Variants in PXDNL observed in about 807,000 individuals in gnomAD.
PXDNL encodes the protein probable oxidoreductase PXDNL.
PXDNL carries 145 observed loss-of-function variants against 150.8 expected under a neutral mutation model. The observed-to-expected ratio is 0.96, with a 90% CI of 0.84 to 1.10. The LOEUF (loss-of-function observed/expected upper bound fraction) is 1.10, where lower values mean the gene tolerates loss of function less well. PXDNL is among the 50% of genes least tolerant of loss of function. The pLI is 0.00. For synonymous variants in PXDNL, 757 were observed against 725.7 expected (o/e 1.04, Z -0.69); for missense variants, 2,087 against 1,873.9 (o/e 1.11, Z -2.10).
intron 8 of PXDNL, among the ~76,000 whole-genome samples, chr8:51,464,189 CCCTGTAT>C (rs2130043567): frequency 6.6e-6 from 1 of 152,100 alleles, no homozygotes; most frequent in Admixed American, 6.6e-5. Context: ...TGCAGCAAGA[CCCTGTAT>C]CTACAAAAAA....
At chr8:51,486,785 TA>T (rs1810765625) in intron 5 of PXDNL, among the ~76,000 whole-genome samples, 40 of 23,832 alleles carry the variant, frequency 1.7e-3, no homozygotes, top group South Asian at 4.5e-3. Flanking sequence ...TATATATATA[TA>T]TATATATATT....
At chr8:51,668,172 C>CTGTTTT (rs765738861) in intron 1 of PXDNL, among the ~76,000 whole-genome samples, 1 of 26,114 alleles carries the variant, frequency 3.8e-5, no homozygotes. Context: ...CCTTCTCGCT[C>CTGTTTT]TCTCTTTTTT....
chr8:51,554,052 C>T (rs1366045139), intron 4 of PXDNL, among the ~76,000 whole-genome samples: 1 of 152,094 alleles, frequency 6.6e-6, no homozygotes, highest in African/African-American at 2.4e-5. Flanking sequence ...ATTCTGTAAA[C>T]AAGCATATAA....
intron 21 of PXDNL, among the ~76,000 whole-genome samples, chr8:51,322,664 G>C (rs1296228530): frequency 1.3e-5 from 2 of 152,210 alleles, no homozygotes; most frequent in Non-Finnish European, 2.9e-5. Flanking sequence ...GAGGAGATTG[G>C]CTAGATGTGG....
intron 2 of PXDNL, among the ~76,000 whole-genome samples, chr8:51,593,261 C>T (rs1209703085): frequency 1.3e-5 from 2 of 152,094 alleles, no homozygotes; most frequent in Admixed American, 6.5e-5. Flanking sequence ...AGAAATAAAT[C>T]GAATTTGAAC....
At chr8:51,702,302 A>G (rs569581945) in intron 1 of PXDNL, among the ~76,000 whole-genome samples, 1 of 152,312 alleles carries the variant, frequency 6.6e-6, no homozygotes, top group East Asian at 1.9e-4. Context: ...AAGTGATGGA[A>G]TGCTGGAACT....
chr8:51,613,373 A>T (rs1170403675), intron 2 of PXDNL, among the ~76,000 whole-genome samples: 1 of 151,494 alleles, frequency 6.6e-6, no homozygotes. Context: ...TAAAGACATC[A>T]ATTTGAGCGT....
At chr8:51,337,761 C>A (rs1805871336) in intron 21 of PXDNL, among the ~76,000 whole-genome samples, 1 of 151,436 alleles carries the variant, frequency 6.6e-6, no homozygotes, top group Non-Finnish European at 1.5e-5. Context: ...CCTGTAGTCC[C>A]CCAGCTACAC....
intron 1 of PXDNL, among the ~76,000 whole-genome samples, chr8:51,683,189 A>ATATATATATATATATATATATATC (rs1815794452): frequency 7.8e-6 from 1 of 128,336 alleles, no homozygotes; most frequent in Non-Finnish European, 1.7e-5. Flanking sequence ...ATATATATAT[A>ATATATATATATATATATATATATC]TATATATATA....
intron 21 of PXDNL, among the ~76,000 whole-genome samples, chr8:51,335,002 C>T (rs917546213): frequency 6.6e-6 from 1 of 152,192 alleles, no homozygotes. Flanking sequence ...CATTACCTGT[C>T]TCCTAATTTT....
intron 14 of PXDNL, among the ~76,000 whole-genome samples, chr8:51,415,158 T>C (rs1305088759): frequency 6.6e-6 from 1 of 152,174 alleles, no homozygotes; most frequent in Non-Finnish European, 1.5e-5. Context: ...AAAATTATAA[T>C]TGAAATCCAC....
intron 2 of PXDNL, among the ~76,000 whole-genome samples, chr8:51,608,013 G>GAAAGAAAGAAAGAA (rs1209902793): frequency 1.4e-5 from 1 of 73,246 alleles, no homozygotes; most frequent in Admixed American, 1.4e-4. Context: ...AAGAAAGAAA[G>GAAAGAAAGAAAGAA]AAAGAAAGAA....
intron 8 of PXDNL, among the ~76,000 whole-genome samples, chr8:51,464,467 A>T (rs7826847): frequency 0.16 from 24,919 of 152,200 alleles, 2,304 homozygotes; most frequent in Middle Eastern, 0.25. Flanking sequence ...TTGCTAGAAC[A>T]TTGGCTAGAT....
rs2036936440 is a variant in PXDNL, at chr8:51,743,956, GAAAAAAGAGAGAGAAAA to G, written c.164+65208_164+65224del. Among the ~76,000 whole-genome samples, 25 of 11,736 alleles carry G rather than the reference GAAAAAAGAGAGAGAAAA, an allele frequency of 2.1e-3. No homozygotes were observed. The East Asian group carries it at 0.041, about 19-fold the overall frequency. 7.7% of individuals were successfully genotyped at this position (11,736 alleles called of 152,430 possible). A position where few individuals can be genotyped will look rare whatever the true frequency, so the allele number is the denominator to read the frequency against. Reference sequence around the variant, plus strand: ...GGAAGGAAGGAGAGAAAGAGAGAAAGAAAAAAGAGAGAGAAAAAAGAAAGGAAGGAAGGTGAGAGAGA... The same window carrying G: ...GGAAGGAAGGAGAGAAAGAGAGAAAGAAGAAAGGAAGGAAGGTGAGAGAGA... On this transcript the variant is annotated intron_variant, in intron 1 of 22. Transcript: ENST00000356297.
chr8:51,380,127 T>TA (rs60696948), intron 17 of PXDNL, among the ~76,000 whole-genome samples: 6,594 of 149,602 alleles, frequency 0.044, 470 homozygotes, highest in African/African-American at 0.15. Flanking sequence ...GCTGACGAGC[T>TA]AAAAAAAAAA....
At chr8:51,348,444 A>T (rs1462600415) in intron 19 of PXDNL, among the ~76,000 whole-genome samples, 1 of 152,180 alleles carries the variant, frequency 6.6e-6, no homozygotes, top group Non-Finnish European at 1.5e-5. Flanking sequence ...GACAGCTAAA[A>T]TGTTGTAGTT....
chr8:51,741,197 G>T (rs1010411194), intron 1 of PXDNL, among the ~76,000 whole-genome samples: 1 of 152,106 alleles, frequency 6.6e-6, no homozygotes, highest in Non-Finnish European at 1.5e-5. Context: ...CTTCTTTCTG[G>T]TTTAGTCTTG....
chr8:51,332,764 A>G (rs1453835139), intron 21 of PXDNL, among the ~76,000 whole-genome samples: 1 of 152,214 alleles, frequency 6.6e-6, no homozygotes, highest in Admixed American at 6.5e-5. Context: ...AGGTCTTTGA[A>G]CTAACCCAAT....
chr8:51,444,694 G>C (rs1335825865), intron 12 of PXDNL, among the ~76,000 whole-genome samples: 2 of 152,022 alleles, frequency 1.3e-5, no homozygotes, highest in African/African-American at 4.8e-5. Flanking sequence ...CAGGTACTGG[G>C]GGGAAAAATA....
Sources: gnomAD v4.1 joint callset for allele counts (sites outside exome capture counted in the v4.1 genomes callset) on GRCh38, gnomAD v4.1.1 for gene constraint, MANE v1.5 for transcripts, NCBI Gene and HGNC (gene_info 2026-07-23, HGNC 2026-07-21) for gene names.